Variants in ESR1 observed in about 807,000 individuals in gnomAD.
ESR1 encodes estrogen receptor.
A neutral mutation model predicts 52.7 loss-of-function variants in ESR1; 12 were observed. The ratio of observed to expected loss-of-function variants is 0.23; its 90% confidence interval spans 0.15 to 0.37. ESR1 has a LOEUF of 0.37. ESR1 is among the 10% of genes least tolerant of loss of function. The pLI, the probability that ESR1 is intolerant of heterozygous loss-of-function variation, is 1.00. For synonymous variants in ESR1, 305 were observed against 316.8 expected, an observed-to-expected ratio of 0.96 and a Z score of 0.39; for missense variants, 584 against 779.7, an observed-to-expected ratio of 0.75 and a Z score of 2.99.
At chr6:151,988,612 TA>T (rs2040726340) in intron 4 of ESR1, among the ~76,000 whole-genome samples, 1 of 151,960 alleles carries the variant, frequency 6.6e-6, no homozygotes. Flanking sequence ...GAAAAAATAT[TA>T]ATAACTAATG....
chr6:151,763,774 A>C (rs1341543022), intron 2 of ESR1, among the ~76,000 whole-genome samples: 1 of 152,202 alleles, frequency 6.6e-6, no homozygotes, highest in African/African-American at 2.4e-5. Flanking sequence ...CAGCTAATAT[A>C]TGACAGAAAT....
At chr6:152,081,956 C>T (rs1450173282) in intron 6 of ESR1, among the ~76,000 whole-genome samples, 4 of 152,030 alleles carry the variant, frequency 2.6e-5, no homozygotes, top group South Asian at 2.1e-4. Flanking sequence ...ACACCAATAA[C>T]AGGTACTGAA....
intron 2 of ESR1, among the ~76,000 whole-genome samples, chr6:151,773,912 T>C (rs1032756934): frequency 3.9e-5 from 6 of 152,246 alleles, no homozygotes; most frequent in African/African-American, 1.2e-4. Context: ...AGCAATGTTA[T>C]GGTGTTCGGT....
At position 151,859,122 on chromosome 6, in the gene ESR1, C is replaced by T. The variant is rs529603717; in HGVS notation, c.643+16335C>T. The stretch of plus-strand genomic sequence containing the variant: ...TCATGTTCAATAACTTTTCCTTTTT[C>T]CTTTCTTTCCCTTATTTTTTTCATG... On this transcript the variant is annotated intron_variant, in intron 2 of 7. Coordinates refer to ENST00000206249, the MANE Select transcript of ESR1 (RefSeq NM_000125.4). Among the ~76,000 whole-genome samples the T allele has an allele frequency of 1.1e-4, 17 of 152,232 alleles. No homozygotes were observed. The South Asian group carries it at 2.9e-3, about 26-fold the overall frequency.
At chr6:151,763,822 T>C (rs1475842411) in intron 2 of ESR1, among the ~76,000 whole-genome samples, 1 of 152,146 alleles carries the variant, frequency 6.6e-6, no homozygotes, top group Non-Finnish European at 1.5e-5. Context: ...AGCTTACAGC[T>C]GATGGGAAAC....
At chr6:152,096,019 C>T (rs2050582507) in intron 7 of ESR1, among the ~76,000 whole-genome samples, 1 of 152,176 alleles carries the variant, frequency 6.6e-6, no homozygotes, top group South Asian at 2.1e-4. Flanking sequence ...TAGCCAAAAG[C>T]TTAGTGGATA....
At chr6:152,078,072 A>G (rs2048886737) in intron 6 of ESR1, among the ~76,000 whole-genome samples, 1 of 152,162 alleles carries the variant, frequency 6.6e-6, no homozygotes, top group South Asian at 2.1e-4. Flanking sequence ...CTCATCTTGA[A>G]TTATACTCCC....
chr6:151,868,238 C>G (rs770565928), intron 2 of ESR1, among the ~76,000 whole-genome samples: 21 of 152,150 alleles, frequency 1.4e-4, no homozygotes, highest in Non-Finnish European at 5.9e-5. Context: ...AGCAATTCTC[C>G]TGCCTCAGCC....
chr6:152,056,571 C>T (rs35323077), intron 5 of ESR1, among the ~76,000 whole-genome samples: 25 of 152,154 alleles, frequency 1.6e-4, no homozygotes, highest in African/African-American at 5.6e-4. Context: ...TTCTGAAAAA[C>T]AGGCTTTTAT....
intron 3 of ESR1, among the ~76,000 whole-genome samples, chr6:151,881,116 CA>C (rs1792840482): frequency 6.6e-6 from 1 of 152,160 alleles, no homozygotes; most frequent in Admixed American, 6.5e-5. Context: ...GTTTATGTTG[CA>C]AATGCTAGAA....
intron 2 of ESR1, among the ~76,000 whole-genome samples, chr6:151,877,313 GA>G (rs1263348863): frequency 2.0e-5 from 3 of 151,462 alleles, no homozygotes; most frequent in South Asian, 2.1e-4. Context: ...ACTCATTAAG[GA>G]AAAAAAACTA....
At chr6:151,701,755 GACT>G (rs1373789960) in intron 1 of ESR1, 1 of 152,114 alleles carries the variant, frequency 6.6e-6, no homozygotes, top group Non-Finnish European at 1.5e-5. Flanking sequence ...TGATAAGTGA[GACT>G]ACTTTTCTTT....
Position 151,807,810 on chromosome 6 carries a change from C to T in ESR1, c.-103C>T. 9.5e-7 allele frequency: 1 copy of T among 1,049,250 alleles called. No homozygotes were observed. Among genetic ancestry groups the T allele is most frequent in the South Asian group, 1.3e-5 (1 of 74,148 alleles). 65.0% of individuals were successfully genotyped at this position (1,049,250 alleles called of 1,614,324 possible). The stretch of plus-strand genomic sequence containing the variant: ...CGTGTCGGCGGGACATGCGCTGCGT[C>T]GCCTCTAACCTCGGGCTGTGCTCTT... On this transcript the variant is annotated 5_prime_UTR_variant, in exon 1 of 8. Coordinates refer to ENST00000206249, the MANE Select transcript of ESR1 (RefSeq NM_000125.4).
rs554624279 is a variant in ESR1 at position 151,674,252 on chromosome 6, A to G, written n.73+17489A>G. On this transcript the variant is annotated intron_variant and non_coding_transcript_variant, in intron 1 of 2. Coordinates refer to the ESR1 transcript ENST00000473497. ...TGTGTCCATGTGTTCTCATTGTTCA[A>G]CTCCCATTTATGAGTGAGAACATGC... 2.0e-5 allele frequency among the ~76,000 whole-genome samples: 3 copies of G among 151,676 alleles called. No homozygotes were observed. The East Asian group carries it at 5.8e-4, about 30-fold the overall frequency.
chr6:151,717,126 T>A (rs1464887969), intron 2 of ESR1, among the ~76,000 whole-genome samples: 1 of 152,184 alleles, frequency 6.6e-6, no homozygotes, highest in African/African-American at 2.4e-5. Flanking sequence ...CCCTGACCCC[T>A]TGGGATTCCC....
intron 6 of ESR1, among the ~76,000 whole-genome samples, chr6:152,093,274 CAAAAAAAAAACAA>C (rs1562778977): frequency 9.6e-6 from 1 of 104,436 alleles, no homozygotes; most frequent in Admixed American, 1.1e-4. Context: ...GACTCTGTCT[CAAAAAAAAAACAA>C]AAAAAAAAAA....
chr6:151,990,414 A>G (rs532987388), intron 4 of ESR1, among the ~76,000 whole-genome samples: 45 of 152,232 alleles, frequency 3.0e-4, no homozygotes, highest in African/African-American at 1.0e-3. Context: ...GGGTGACTCT[A>G]TTCCACATGG....
chr6:152,081,891 C>T (rs2049254851), intron 6 of ESR1, among the ~76,000 whole-genome samples: 1 of 152,100 alleles, frequency 6.6e-6, no homozygotes, highest in Admixed American at 6.5e-5. Context: ...TGGATAAATT[C>T]CTGGACACAT....
chr6:151,817,936 G>C (rs1231919231), intron 1 of ESR1, among the ~76,000 whole-genome samples: 2 of 152,134 alleles, frequency 1.3e-5, no homozygotes, highest in Admixed American at 6.5e-5. Flanking sequence ...ATTGTTGATT[G>C]CATAAAATTT....
Sources: gnomAD v4.1 joint callset for allele counts (sites outside exome capture counted in the v4.1 genomes callset) on GRCh38, gnomAD v4.1.1 for gene constraint, MANE v1.5 for transcripts, NCBI Gene and HGNC (gene_info 2026-07-23, HGNC 2026-07-21) for gene names.